Variants in PRKN observed in about 807,000 individuals in gnomAD.
PRKN encodes parkin RBR E3 ubiquitin protein ligase.
Under a neutral mutation model 59.5 loss-of-function variants are expected in PRKN, and 56 were observed. That is an observed-to-expected ratio of 0.94 (90% confidence interval 0.76 to 1.18). PRKN has a LOEUF of 1.18. Among genes scored for constraint, PRKN ranks in the 50% most tolerant of loss-of-function variants. The pLI is 0.00. For missense variants in PRKN, 657 were observed against 596.4 expected (o/e 1.10, Z -1.06); for synonymous variants, 250 against 222.1 (o/e 1.13, Z -1.12).
intron 4 of PRKN, among the ~76,000 whole-genome samples, chr6:162,055,309 T>C (rs934040610): frequency 6.6e-6 from 1 of 152,130 alleles, no homozygotes; most frequent in Non-Finnish European, 1.5e-5. Context: ...AAAATCAAAA[T>C]AGAATGTTTA....
chr6:162,569,883 A>G (rs1211762273), intron 1 of PRKN, among the ~76,000 whole-genome samples: 2 of 152,298 alleles, frequency 1.3e-5, no homozygotes, highest in Non-Finnish European at 2.9e-5. Flanking sequence ...CTGCCTGGGG[A>G]CCACCTTGCC....
intron 4 of PRKN, among the ~76,000 whole-genome samples, chr6:162,156,460 G>C (rs545491408): frequency 1.3e-5 from 2 of 152,286 alleles, no homozygotes; most frequent in South Asian, 4.1e-4. Context: ...TGTAGCTGAA[G>C]GCCCAAGAGC....
At chr6:161,595,472 C>T (rs1781881332) in intron 7 of PRKN, among the ~76,000 whole-genome samples, 1 of 152,210 alleles carries the variant, frequency 6.6e-6, no homozygotes, top group African/African-American at 2.4e-5. Flanking sequence ...CCACCCCTTA[C>T]TTTTTATTCT....
In PRKN at chr6:162,195,691, T is replaced by A. The variant is rs1784462898; in HGVS notation, c.534+5440A>T. On this transcript the variant is annotated intron_variant, in intron 4 of 11. Coordinates refer to ENST00000366898, the MANE Select transcript of PRKN (RefSeq NM_004562.3). ...TTTGAGATAAAGTAATTACGGTGAT[T>A]GTAGCGGGGAGGGGGTCACCCAAAG... Among the ~76,000 whole-genome samples, 2 of 152,202 alleles carry A rather than the reference T, an allele frequency of 1.3e-5. 1 individual carries two copies. Among genetic ancestry groups the A allele is most frequent in the South Asian group, 4.1e-4 (2 of 4,826 alleles).
chr6:161,880,588 A>G (rs1794897287), intron 6 of PRKN, among the ~76,000 whole-genome samples: 1 of 152,044 alleles, frequency 6.6e-6, no homozygotes, highest in African/African-American at 2.4e-5. Context: ...CCTGGGGAGG[A>G]GCACCGGCCC....
At chr6:162,653,403 CATA>C (rs377731379) in intron 1 of PRKN, among the ~76,000 whole-genome samples, 29 of 152,122 alleles carry the variant, frequency 1.9e-4, no homozygotes, top group Non-Finnish European at 2.9e-4. Flanking sequence ...AAGGATTTTT[CATA>C]ATAATTTTTT....
chr6:162,539,931 G>A (rs749200257), intron 1 of PRKN, among the ~76,000 whole-genome samples: 1 of 152,190 alleles, frequency 6.6e-6, no homozygotes, highest in South Asian at 2.1e-4. Context: ...ATTTTATTTT[G>A]TTTTGTTTTG....
chr6:162,292,216 G>A (rs551448832), intron 2 of PRKN, among the ~76,000 whole-genome samples: 2 of 152,012 alleles, frequency 1.3e-5, no homozygotes, highest in South Asian at 2.1e-4. Context: ...TGCCCACCTC[G>A]GCCTCCCAAA....
At position 161,906,659 on chromosome 6, in the gene PRKN, C is replaced by CATATATATATATATAT. The variant is rs144796790; in HGVS notation, c.734+66627_734+66642dup. 2.7e-3 allele frequency among the ~76,000 whole-genome samples: 311 copies of CATATATATATATATAT among 116,530 alleles called. 10 individuals are homozygous for CATATATATATATATAT. The highest frequency in any genetic ancestry group is 5.4e-3 in the East Asian group (26 of 4,798). The allele number at this position is 116,530 out of a possible 152,430, so 76.4% of individuals were successfully genotyped here. On this transcript the variant is annotated intron_variant, in intron 6 of 11. Coordinates refer to ENST00000366898, the MANE Select transcript of PRKN (RefSeq NM_004562.3). ...AGAGGGACAAATCTAATAGAACATA[C>CATATATATATATATAT]ATATATATATATATATGTATATATG...
At chr6:161,771,372 TA>T (rs1369846717) in intron 7 of PRKN, among the ~76,000 whole-genome samples, 602 of 36,952 alleles carry the variant, frequency 0.016, 28 homozygotes, top group African/African-American at 0.041. Flanking sequence ...AAAAAAAAAA[TA>T]AAATAAAATA....
intron 1 of PRKN, among the ~76,000 whole-genome samples, chr6:162,703,295 T>G (rs2128237176): frequency 6.6e-6 from 1 of 152,360 alleles, no homozygotes; most frequent in South Asian, 2.1e-4. Context: ...TAACGAAAAC[T>G]TTTAATACAT....
intron 7 of PRKN, among the ~76,000 whole-genome samples, chr6:161,777,757 G>GTATATGTA (rs201718338): frequency 0.2 from 27,060 of 135,116 alleles, 3,290 homozygotes; most frequent in East Asian, 0.39. Flanking sequence ...AGATATATAT[G>GTATATGTA]TATATGTATA....
intron 6 of PRKN, among the ~76,000 whole-genome samples, chr6:161,874,726 T>TAC (rs1794609118): frequency 9.6e-6 from 1 of 104,026 alleles, no homozygotes; most frequent in Admixed American, 1.2e-4. Flanking sequence ...GTACAATATA[T>TAC]AAAATGTACT....
At chr6:162,045,853 T>C (rs1188292214) in intron 5 of PRKN, among the ~76,000 whole-genome samples, 1 of 152,138 alleles carries the variant, frequency 6.6e-6, no homozygotes, top group East Asian at 1.9e-4. Context: ...TAGGCTCCTG[T>C]GTATCTGCAC....
intron 6 of PRKN, among the ~76,000 whole-genome samples, chr6:161,954,301 C>A (rs564401195): frequency 2.0e-5 from 3 of 152,282 alleles, no homozygotes; most frequent in South Asian, 2.1e-4. Context: ...TCATTATAAT[C>A]CTGGCAAGAC....
chr6:161,848,119 A>G (rs535598655), intron 6 of PRKN, among the ~76,000 whole-genome samples: 1 of 152,358 alleles, frequency 6.6e-6, no homozygotes, highest in Non-Finnish European at 1.5e-5. Context: ...CCGCCTCTTC[A>G]GGACTATTCA....
At position 162,638,253 on chromosome 6, in the gene PRKN, C is replaced by T. The variant is rs1328185418; in HGVS notation, c.7+89409G>A. Among the ~76,000 whole-genome samples the T allele has an allele frequency of 2.0e-5, 3 of 149,522 alleles. No homozygotes were observed. In the East Asian group the frequency reaches 5.9e-4, roughly 29 times the overall value. On this transcript the variant is annotated intron_variant, in intron 1 of 11. Coordinates refer to ENST00000366898, the MANE Select transcript of PRKN (RefSeq NM_004562.3). ...AACTTTATGAAGCACAAAATGCCTC[C>T]TTTCCTGTTTTCTTGACGTACAGAA...
chr6:161,875,428 C>T (rs138686143), intron 6 of PRKN, among the ~76,000 whole-genome samples: 63 of 151,816 alleles, frequency 4.1e-4, no homozygotes, highest in Non-Finnish European at 7.4e-4. Context: ...CCTGACCCCA[C>T]GTTATCTGCC....
chr6:161,572,574 C>T (rs547950411), intron 7 of PRKN, among the ~76,000 whole-genome samples: 1 of 152,176 alleles, frequency 6.6e-6, no homozygotes, highest in Admixed American at 6.5e-5. Flanking sequence ...GCAGGAGAAT[C>T]GCTTGAACCT....
Sources: allele counts gnomAD v4.1 joint callset (sites outside exome capture counted in the v4.1 genomes callset), GRCh38; gene constraint gnomAD v4.1.1; transcripts MANE v1.5; gene names NCBI Gene and HGNC (gene_info 2026-07-23, HGNC 2026-07-21).